Variants in SYN3 observed in about 807,000 individuals in gnomAD.
SYN3 encodes the protein synapsin-3.
A neutral mutation model predicts 65.8 loss-of-function variants in SYN3; 35 were observed. That is an observed-to-expected ratio of 0.53 (90% confidence interval 0.41 to 0.70). The LOEUF (loss-of-function observed/expected upper bound fraction) is 0.70. Ranked by LOEUF, SYN3 falls within the 30% of genes least tolerant of loss-of-function variation. The probability of loss-of-function intolerance (pLI) is 0.00; values close to 1 mark genes in which losing one functional copy is unlikely to be tolerated. For missense variants in SYN3, 680 were observed against 749.0 expected, an observed-to-expected ratio of 0.91 and a Z score of 1.08; for synonymous variants, 270 against 292.9, an observed-to-expected ratio of 0.92 and a Z score of 0.80.
chr22:32,944,479 G>C (rs1052258737), intron 3 of SYN3, among the ~76,000 whole-genome samples: 1 of 152,086 alleles, frequency 6.6e-6, no homozygotes, highest in Non-Finnish European at 1.5e-5. Context: ...AAAGGCCTTT[G>C]ACAAAATTCA....
chr22:32,614,946 T>C (rs2059494515), intron 6 of SYN3, among the ~76,000 whole-genome samples: 1 of 147,834 alleles, frequency 6.8e-6, no homozygotes, highest in South Asian at 2.2e-4. Flanking sequence ...GGACCTTTTA[T>C]TCTGCAAATT....
chr22:32,532,434 G>A (rs569421438), intron 10 of SYN3, among the ~76,000 whole-genome samples: 3 of 152,400 alleles, frequency 2.0e-5, no homozygotes, highest in Admixed American at 6.5e-5. Context: ...TCCAAGTAGG[G>A]GCTACTTGGG....
chr22:32,620,080 T>C (rs2059573657), intron 6 of SYN3, among the ~76,000 whole-genome samples: 2 of 152,242 alleles, frequency 1.3e-5, no homozygotes, highest in African/African-American at 4.8e-5. Context: ...TTGTGAGCAA[T>C]AATACATTCT....
intron 7 of SYN3, among the ~76,000 whole-genome samples, chr22:32,566,459 C>G (rs2058673238): frequency 6.6e-6 from 1 of 152,106 alleles, no homozygotes; most frequent in Admixed American, 6.5e-5. Flanking sequence ...GCAAAGGAGC[C>G]TGGGAAAGCC....
rs199678854 is a variant in SYN3 at position 32,513,844 on chromosome 22, G to A, written c.1611-20C>T. Reference sequence around the variant, plus strand: ...GATTTGCTGAAACAGAAAGGCAAGGGGGTTGAGGAAGACAAGGCGAAGACT... The same window carrying A: ...GATTTGCTGAAACAGAAAGGCAAGGAGGTTGAGGAAGACAAGGCGAAGACT... On this transcript the variant is annotated intron_variant, in intron 13 of 13. Transcript: ENST00000358763. 2.5e-6 allele frequency: 4 copies of A among 1,613,962 alleles called. No homozygotes were observed. Among genetic ancestry groups the A allele is most frequent in the African/African-American group, 2.7e-5 (2 of 75,034 alleles).
chr22:32,802,272 G>C (rs1360466852), intron 6 of SYN3: 1 of 1,258,014 alleles, frequency 7.9e-7, no homozygotes, highest in Admixed American at 2.7e-5. Context: ...GATGTCCTTG[G>C]GCGGGGGCGC....
At position 32,944,761 on chromosome 22, in the gene SYN3, T is replaced by C. The variant is rs547962080; in HGVS notation, c.370-13280A>G. Among the ~76,000 whole-genome samples, 115 of 152,320 alleles carry C rather than the reference T, an allele frequency of 7.5e-4. 1 individual carries two copies. Among genetic ancestry groups the C allele is most frequent in the African/African-American group, 2.3e-3 (96 of 41,570 alleles). The stretch of plus-strand genomic sequence containing the variant: ...AAAAGAGGAAGTCAAATTGTCCCTG[T>C]TTGCAGATGACATGATTGTATATTT... On this transcript the variant is annotated intron_variant, in intron 3 of 13. Coordinates refer to ENST00000358763, the MANE Select transcript of SYN3 (RefSeq NM_003490.4).
At position 32,596,728 on chromosome 22, in the gene SYN3, G is replaced by C; in HGVS notation, c.720C>G (p.Ala240=). The C allele has an allele frequency of 1.2e-6, 2 of 1,613,878 alleles. No homozygotes were observed. The highest frequency in any genetic ancestry group is 1.7e-6 in the Non-Finnish European group (2 of 1,179,892). The change falls in exon 7 of 14, where the codon GCC becomes GCG. Residue 240 remains alanine, a synonymous_variant. Transcript: ENST00000358763. ...FFPNHKPMVT[A]PHFPVVVKLG... is the part of the protein sequence containing the mutation. ...GCTTGACTACCACCGGGAAGTGTGG[G>C]GCTGTGACCTGAAAGAGACAAGAAG...
intron 6 of SYN3, among the ~76,000 whole-genome samples, chr22:32,746,291 G>C (rs2044931547): frequency 6.6e-6 from 1 of 152,176 alleles, no homozygotes; most frequent in Non-Finnish European, 1.5e-5. Flanking sequence ...CCCTTTCCCA[G>C]ACAGTTGGTC....
chr22:32,952,882 C>T (rs2146836230), intron 3 of SYN3, among the ~76,000 whole-genome samples: 1 of 152,350 alleles, frequency 6.6e-6, no homozygotes, highest in Admixed American at 6.5e-5. Flanking sequence ...TCCACCCCTG[C>T]CTTGCTGTAC....
intron 2 of SYN3, among the ~76,000 whole-genome samples, chr22:33,002,381 C>A (rs1479852537): frequency 6.6e-6 from 1 of 152,192 alleles, no homozygotes; most frequent in African/African-American, 2.4e-5. Context: ...CGGTGGCTCA[C>A]ACCTGTAATC....
intron 7 of SYN3, among the ~76,000 whole-genome samples, chr22:32,572,470 TC>T (rs375649389): frequency 1.7e-4 from 1 of 5,848 alleles, no homozygotes; most frequent in Non-Finnish European, 6.5e-4. Context: ...CTTCCTTCTT[TC>T]TCCTTCCCTC....
intron 1 of SYN3, among the ~76,000 whole-genome samples, chr22:33,039,978 A>G (rs1329240681): frequency 1.3e-5 from 2 of 151,806 alleles, no homozygotes; most frequent in Non-Finnish European, 2.9e-5. Context: ...GAGTGGCTCC[A>G]TCTCTTGTAT....
At chr22:32,698,322 G>A (rs1387030916) in intron 6 of SYN3, among the ~76,000 whole-genome samples, 1 of 151,426 alleles carries the variant, frequency 6.6e-6, no homozygotes, top group Non-Finnish European at 1.5e-5. Flanking sequence ...TTTCTCCCCC[G>A]TTTCTTTGGC....
At chr22:33,045,685 A>G (rs2054051174) in intron 1 of SYN3, among the ~76,000 whole-genome samples, 1 of 151,442 alleles carries the variant, frequency 6.6e-6, no homozygotes, top group African/African-American at 2.4e-5. Flanking sequence ...GATGGTCTCG[A>G]TCTCCTGACC....
intron 6 of SYN3, among the ~76,000 whole-genome samples, chr22:32,796,462 G>C (rs1470393915): frequency 1.3e-5 from 2 of 152,120 alleles, no homozygotes; most frequent in Non-Finnish European, 2.9e-5. Flanking sequence ...GGGAGAGCTG[G>C]GGCAATTTTA....
rs534663521 is a variant in SYN3, at chr22:32,981,588, CAATAATAATAAT to C, written c.312-898_312-887del. On this transcript the variant is annotated intron_variant, in intron 2 of 13. Coordinates refer to ENST00000358763, the MANE Select transcript of SYN3 (RefSeq NM_003490.4). ...AACAAGAGCGAAACTCAGTCTCAAA[CAATAATAATAAT>C]AATAATAATAATAATTGTGCTACAT... Among the ~76,000 whole-genome samples the C allele has an allele frequency of 2.0e-5, 3 of 149,894 alleles. No homozygotes were observed. In the South Asian group the frequency reaches 6.4e-4, roughly 32 times the overall value.
At chr22:32,737,908 G>A (rs772391924) in intron 6 of SYN3, among the ~76,000 whole-genome samples, 57 of 152,292 alleles carry the variant, frequency 3.7e-4, no homozygotes, top group Middle Eastern at 3.4e-3. Flanking sequence ...GCTGATCATG[G>A]AGGCCATGCG....
intron 6 of SYN3, among the ~76,000 whole-genome samples, chr22:32,766,719 G>A (rs748143942): frequency 6.6e-6 from 1 of 152,068 alleles, no homozygotes; most frequent in Non-Finnish European, 1.5e-5. Context: ...ACCCAGTCTA[G>A]GATTCCCAGA....
Sources: allele counts gnomAD v4.1 joint callset (sites outside exome capture counted in the v4.1 genomes callset), GRCh38; gene constraint gnomAD v4.1.1; transcripts MANE v1.5; gene names NCBI Gene and HGNC (gene_info 2026-07-23, HGNC 2026-07-21).